KANK1: variants seen among roughly 807,000 people sequenced by gnomAD.
The protein encoded by KANK1 is KN motif and ankyrin repeat domains 1.
Under a neutral mutation model 106.2 loss-of-function variants are expected in KANK1, and 109 were observed. That is an observed-to-expected ratio of 1.03 (90% confidence interval 0.88 to 1.20). KANK1 has a LOEUF of 1.20. KANK1 is among the 50% of genes most tolerant of loss of function. The pLI is 0.00. For missense variants in KANK1, 2,399 were observed against 1,710.7 expected (o/e 1.40, Z -7.10); for synonymous variants, 873 against 652.2 (o/e 1.34, Z -5.16).
chr9:712,985 C>G lies in KANK1; in HGVS notation c.2219C>G (p.Thr740Arg), dbSNP rs778458204. The change falls in exon 3 of 12, where the codon ACG (threonine) becomes AGG (arginine). Residue 740 changes from threonine to arginine, a missense_variant. Transcript: ENST00000382297. ...STKTRSIGVG[T>R]LLSGHSGFDR... Reference sequence around the variant, plus strand: ...AAGACGCGGTCCATTGGTGTTGGAACGTTGCTTTCTGGCCATTCTGGGTTT... The same window carrying G: ...AAGACGCGGTCCATTGGTGTTGGAAGGTTGCTTTCTGGCCATTCTGGGTTT... The G allele has an allele frequency of 6.2e-7, 1 of 1,614,186 alleles. No homozygotes were observed. The highest frequency in any genetic ancestry group is 8.5e-7 in the Non-Finnish European group (1 of 1,180,040).
intron 1 of KANK1, among the ~76,000 whole-genome samples, chr9:518,922 C>T (rs1363139308): frequency 6.6e-6 from 1 of 150,926 alleles, no homozygotes; most frequent in African/African-American, 2.5e-5. Flanking sequence ...CAGAGTTTCG[C>T]TCTTGTTGCC....
At chr9:621,200 C>G (rs1027176689) in intron 1 of KANK1, among the ~76,000 whole-genome samples, 1 of 152,048 alleles carries the variant, frequency 6.6e-6, no homozygotes, top group Non-Finnish European at 1.5e-5. Flanking sequence ...AAATAGAAAA[C>G]TGATAGCTAT....
At chr9:673,459 C>G (rs1421787906) in intron 1 of KANK1, 3 of 152,432 alleles carry the variant, frequency 2.0e-5, no homozygotes, top group Non-Finnish European at 4.4e-5. Flanking sequence ...ATCCACCCAC[C>G]TCGGCCTCCC....
chr9:745,197 A>C lies in KANK1; in HGVS notation c.4021A>C (p.Thr1341Pro), dbSNP rs1196402371. 3.1e-6 allele frequency: 5 copies of C among 1,613,796 alleles called. No individual in the cohort carries two copies. ...GGGCACCCCTAGGCTTGGAAGGAAGACGTCTCCTGGCCCCACCCACCGAGG... is the reference window on the plus strand; with the variant it reads ...GGGCACCCCTAGGCTTGGAAGGAAGCCGTCTCCTGGCCCCACCCACCGAGG... ...SPGTPRLGRK[T>P]SPGPTHRGSF... The change falls in exon 12 of 12, where the codon ACG becomes CCG. Residue 1341 changes from threonine to proline, a missense_variant. Transcript: ENST00000382297.
rs149030247 is a variant in KANK1 at position 570,170 on chromosome 9, A to G, written c.-84+65416A>G. On this transcript the variant is annotated intron_variant, in intron 1 of 11. Transcript: ENST00000382297. ...CTCTCATTGCTACTTTGGAGAATGT[A>G]TTATTCTTTGGCCTAGTATGATTGT... 4.7e-4 allele frequency among the ~76,000 whole-genome samples: 71 copies of G among 152,254 alleles called. No homozygotes were observed. In the East Asian group the frequency reaches 0.011, roughly 24 times the overall value.
At chr9:744,761 G>T in intron 11 of KANK1, 172 bp downstream of exon 11, 1 of 1,502,318 alleles carries the variant, frequency 6.7e-7, no homozygotes, top group Admixed American at 2.1e-5. Flanking sequence ...AAAAGCAGGA[G>T]AACTAATGTT....
chr9:577,801 C>T (rs1235392990), intron 1 of KANK1, among the ~76,000 whole-genome samples: 1 of 152,196 alleles, frequency 6.6e-6, no homozygotes, highest in Non-Finnish European at 1.5e-5. Flanking sequence ...CATTTGAGAA[C>T]CACTGGCTTT....
intron 1 of KANK1, among the ~76,000 whole-genome samples, chr9:666,327 T>G (rs1159495652): frequency 6.6e-6 from 1 of 152,232 alleles, no homozygotes; most frequent in African/African-American, 2.4e-5. Flanking sequence ...CCTGCAGCTT[T>G]ACTGAATTCA....
rs530216541 is a variant in KANK1, at chr9:623,599, T to C, written c.-83-53291T>C. On this transcript the variant is annotated intron_variant, in intron 1 of 11. Coordinates refer to ENST00000382297, the MANE Select transcript of KANK1 (RefSeq NM_015158.5). ...CAGCCTGGGCAACAGAGTGAGATTG[T>C]GTCTCAAAAAAAAAAAAGAAAAAGA... 7.8e-4 allele frequency among the ~76,000 whole-genome samples: 104 copies of C among 133,746 alleles called. 4 individuals carry two copies. In the South Asian group the frequency reaches 0.028, roughly 36 times the overall value. 87.7% of individuals were successfully genotyped at this position (133,746 alleles called of 152,430 possible).
chr9:534,954 A>G (rs1406986316), intron 1 of KANK1, among the ~76,000 whole-genome samples: 5 of 152,208 alleles, frequency 3.3e-5, no homozygotes, highest in Non-Finnish European at 5.9e-5. Flanking sequence ...AAGCTGAGGT[A>G]AGAAGCCAGA....
chr9:679,728 T>C (rs1885925), intron 2 of KANK1, among the ~76,000 whole-genome samples: 103,645 of 152,142 alleles, frequency 0.68, 36,021 homozygotes, highest in East Asian at 0.9. Flanking sequence ...AGTATAGATG[T>C]GTGTTGTATT....
rs1261643114 is a variant in KANK1, at chr9:506,173, C to T, written c.-84+1419C>T. ...CGATTAGCAGTCATTCTTCCATCTC[C>T]CAGCCCTTCTCCCTCATTTTAAGGC... is the stretch of plus-strand genomic sequence containing the variant. On this transcript the variant is annotated intron_variant, in intron 1 of 11. Coordinates refer to ENST00000382297, the MANE Select transcript of KANK1 (RefSeq NM_015158.5). 2.6e-5 allele frequency among the ~76,000 whole-genome samples: 4 copies of T among 152,286 alleles called. No individual in the cohort carries two copies. The East Asian group carries it at 5.8e-4, about 22-fold the overall frequency.
intron 1 of KANK1, among the ~76,000 whole-genome samples, chr9:653,267 G>A (rs1278403405): frequency 6.6e-6 from 1 of 152,002 alleles, no homozygotes; most frequent in Non-Finnish European, 1.5e-5. Flanking sequence ...GAGGTAGTTC[G>A]AGGCCAACTG....
chr9:550,896 A>T (rs2061241408), intron 1 of KANK1, among the ~76,000 whole-genome samples: 4 of 152,008 alleles, frequency 2.6e-5, no homozygotes, highest in Admixed American at 2.6e-4. Context: ...ATTTCCTGTG[A>T]TATGTTTTAG....
intron 1 of KANK1, among the ~76,000 whole-genome samples, chr9:525,274 C>T (rs971086014): frequency 2.6e-5 from 4 of 151,272 alleles, no homozygotes; most frequent in East Asian, 1.9e-4. Context: ...GGATTACAGG[C>T]GTGAGCTACT....
chr9:720,680 G>T (rs1433270763), intron 3 of KANK1, among the ~76,000 whole-genome samples: 1 of 152,112 alleles, frequency 6.6e-6, no homozygotes, highest in Non-Finnish European at 1.5e-5. Flanking sequence ...CCTCAGAGAC[G>T]GGGTTTCATT....
Position 535,969 on chromosome 9 carries a change from C to G in KANK1, c.-84+31215C>G, listed in dbSNP as rs140126616. ...CCACATTTTTTGGTATTTGTTATAA[C>G]AGCACCCCACTTCCAGGTACTAAAG... On this transcript the variant is annotated intron_variant, in intron 1 of 11. Transcript: ENST00000382297. Among the ~76,000 whole-genome samples the G allele has an allele frequency of 2.5e-3, 379 of 152,236 alleles. 6 individuals carry two copies. The highest frequency in any genetic ancestry group is 9.1e-3 in the African/African-American group (378 of 41,540).
chr9:575,250 C>T (rs1820234975), intron 1 of KANK1, among the ~76,000 whole-genome samples: 1 of 152,226 alleles, frequency 6.6e-6, no homozygotes, highest in African/African-American at 2.4e-5. Flanking sequence ...TGGAGATAAG[C>T]TCCACTTATA....
At chr9:479,338 T>C (rs2058163069) in intron 3 of KANK1, among the ~76,000 whole-genome samples, 1 of 152,224 alleles carries the variant, frequency 6.6e-6, no homozygotes, top group African/African-American at 2.4e-5. Context: ...GAGTTGCTCA[T>C]TGACCTACAA....
Sources: gnomAD v4.1 joint callset for allele counts (sites outside exome capture counted in the v4.1 genomes callset) on GRCh38, gnomAD v4.1.1 for gene constraint, MANE v1.5 for transcripts, NCBI Gene and HGNC (gene_info 2026-07-23, HGNC 2026-07-21) for gene names.